The following ANAPC2 variants were observed in gnomAD, a reference collection of about 807,000 sequenced individuals.
ANAPC2 encodes anaphase promoting complex subunit 2, also known as anaphase-promoting complex subunit 2.
ANAPC2 carries 29 observed loss-of-function variants against 84.3 expected under a neutral mutation model. That is an observed-to-expected ratio of 0.34 (90% CI 0.26 to 0.47). The LOEUF (loss-of-function observed/expected upper bound fraction) is 0.47, where lower values mean the gene tolerates loss of function less well. Among genes scored for constraint, ANAPC2 ranks in the 20% least tolerant of loss-of-function variants. ANAPC2 has a pLI of 1.00. For synonymous variants in ANAPC2, 571 were observed against 479.4 expected (o/e 1.19, Z -2.50); for missense variants, 857 against 1,131.7 (o/e 0.76, Z 3.48).
chr9:137,187,748 C>T lies in ANAPC2; in HGVS notation c.473G>A (p.Arg158His), dbSNP rs1834509145. The T allele has an allele frequency of 1.2e-6, 2 of 1,613,698 alleles. No individual in the cohort carries two copies. Among genetic ancestry groups the T allele is most frequent in the African/African-American group, 1.3e-5 (1 of 74,936 alleles). Residue 158 changes from arginine to histidine, a missense_variant, in exon 2 of 13, where the codon CGC becomes CAC. Coordinates refer to ENST00000323927, the MANE Select transcript of ANAPC2 (RefSeq NM_013366.4). ...GLREEVHTMLRGVLFFSTPRT... is the reference protein window; with the variant it reads ...GLREEVHTMLHGVLFFSTPRT... The stretch of plus-strand genomic sequence containing the variant: ...GGGGGTGCTAAAGAACAAGACTCCG[C>T]GCAACATAGTGTGGACTTCTTCTCG...
In ANAPC2 at chr9:137,180,398, G is replaced by C. The variant is rs746457748; in HGVS notation, c.1687-14C>G. 1 of 1,612,422 alleles carries C rather than the reference G, an allele frequency of 6.2e-7. No individual in the cohort carries two copies. Among genetic ancestry groups the C allele is most frequent in the Non-Finnish European group, 8.5e-7 (1 of 1,179,844 alleles). On this transcript the variant is annotated splice_polypyrimidine_tract_variant and intron_variant, in intron 9 of 12. Transcript: ENST00000323927. ...GTCCGCCATGTCCTGAGGAGGAGCCGGTGTCACGGGGGACCTGCGGGGCGG... is the reference window on the plus strand; with the variant it reads ...GTCCGCCATGTCCTGAGGAGGAGCCCGTGTCACGGGGGACCTGCGGGGCGG...
At chr9:137,184,304 G>A (rs1039322831) in intron 4 of ANAPC2, among the ~76,000 whole-genome samples, 3 of 147,550 alleles carry the variant, frequency 2.0e-5, no homozygotes, top group Non-Finnish European at 3.0e-5. Context: ...GCAGACACAA[G>A]GAGCCCAGAC....
Position 137,185,030 on chromosome 9 carries a change from T to C in ANAPC2, c.931A>G (p.Arg311Gly), listed in dbSNP as rs1330563905. The change falls in exon 4 of 13, where the codon AGG becomes GGG. Residue 311 changes from arginine (R) to glycine (G), a missense_variant. By Grantham distance (125) the Arg-to-Gly change is moderately radical (BLOSUM62 -2). This residue lies in a region of ANAPC2 where 428 missense variants were observed against 513.8 expected (regional missense o/e 0.83). Transcript: ENST00000323927. ...GKVFLQDGPA[R>G]PASPEAGNTL... The stretch of plus-strand genomic sequence containing the variant: ...TTGCCGGCCTCGGGAGATGCGGGCC[T>C]GGCGGGGCCGTCCTGCAGGAACACC... The C allele has an allele frequency of 6.3e-7, 1 of 1,588,050 alleles. No individual in the cohort carries two copies. The highest frequency in any genetic ancestry group is 1.8e-5 in the Admixed American group (1 of 54,478).
At chr9:137,186,440 G>T in intron 2 of ANAPC2, 84 bp from the exon 3 acceptor site, 1 of 1,497,432 alleles carries the variant, frequency 6.7e-7, no homozygotes, top group Non-Finnish European at 9.0e-7. Flanking sequence ...GGACTGCCCT[G>T]CCTGTAGAGT....
At position 137,188,322 on chromosome 9, in the gene ANAPC2, G is replaced by A; in HGVS notation, c.117+94C>T. ...GCAGGACAGGACAGAGGCGGATGATGGACAGAGCCGTATGAACCCGAGGGT... is the reference window on the plus strand; with the variant it reads ...GCAGGACAGGACAGAGGCGGATGATAGACAGAGCCGTATGAACCCGAGGGT... On this transcript the variant is annotated intron_variant, in intron 1 of 12. Coordinates refer to ENST00000323927, the MANE Select transcript of ANAPC2 (RefSeq NM_013366.4). 1.0e-5 allele frequency: 14 copies of A among 1,402,868 alleles called. No homozygotes were observed. In the South Asian group the frequency reaches 1.4e-4, roughly 14 times the overall value. The allele number at this position is 1,402,868 out of a possible 1,614,324, so 86.9% of individuals were successfully genotyped here. A position where few individuals can be genotyped will look rare whatever the true frequency, so the allele number is the denominator to read the frequency against.
chr9:137,180,356 G>A lies in ANAPC2; in HGVS notation c.1715C>T (p.Ala572Val). ...CTTCTCATCCTCCTCCCGGATGTTG[G>A]CATTGATGCGGCGGGAGTCCGCCAT... ...KDMADSRRIN[A>V]NIREEDEKRP... Residue 572 changes from alanine (A) to valine (V), a missense_variant, in exon 10 of 13, where the codon GCC becomes GTC. Ala to Val is a moderately conservative substitution (Grantham distance 64). Around this residue, in one of 3 missense-constraint regions of ANAPC2, gnomAD observed 425 missense variants for 595.5 expected, o/e 0.71. Transcript: ENST00000323927. The A allele has an allele frequency of 6.2e-7, 1 of 1,613,012 alleles. No individual in the cohort carries two copies. Among genetic ancestry groups the A allele is most frequent in the Non-Finnish European group, 8.5e-7 (1 of 1,179,910 alleles).
chr9:137,178,257 CAG>C lies in ANAPC2; in HGVS notation c.1890+1922_1890+1923del, dbSNP rs10586196. Among the ~76,000 whole-genome samples the C allele has an allele frequency of 5.2e-3, 799 of 152,370 alleles. 5 individuals are homozygous for C. Among genetic ancestry groups the C allele is most frequent in the African/African-American group, 0.018 (768 of 41,588 alleles). On this transcript the variant is annotated intron_variant, in intron 10 of 12. Transcript: ENST00000323927. ...CTGCCGCAGGACACATGCAAGGGCT[CAG>C]GGGTGACGCTGTGGGCTGCATGGCC...
Position 137,184,954 on chromosome 9 carries a change from T to TAG in ANAPC2, c.1005_1006dup (p.Tyr336SerfsTer94), listed in dbSNP as rs757250678. On this transcript the variant is annotated frameshift_variant, in exon 4 of 13. Coordinates refer to ENST00000323927, the MANE Select transcript of ANAPC2 (RefSeq NM_013366.4). LOFTEE classifies it high-confidence loss of function. ...GAGCTCCTCGATGCGCAGGCTGGCG[T>TAG]AGATGCGGTAGAAGAACCTTTGCAC... 1 of 1,612,466 alleles carries TAG rather than the reference T, an allele frequency of 6.2e-7. No homozygotes were observed. The highest frequency in any genetic ancestry group is 8.5e-7 in the Non-Finnish European group (1 of 1,179,652).
rs866957196 is a variant in ANAPC2 at position 137,183,857 on chromosome 9, A to T, written c.1049-66T>A. 11 of 1,586,762 alleles carry T rather than the reference A, an allele frequency of 6.9e-6. No individual in the cohort carries two copies. In the East Asian group the frequency reaches 9.0e-5, roughly 13 times the overall value. ...CGTGCGCACGTGCAGGCTGGTGCAGAGTGTGTGCGGTGTGGGAAAGGACAC... is the reference window on the plus strand; with the variant it reads ...CGTGCGCACGTGCAGGCTGGTGCAGTGTGTGTGCGGTGTGGGAAAGGACAC... On this transcript the variant is annotated intron_variant, in intron 4 of 12. Coordinates refer to ENST00000323927, the MANE Select transcript of ANAPC2 (RefSeq NM_013366.4).
At chr9:137,182,341 T>C (rs1834361528) in intron 6 of ANAPC2, among the ~76,000 whole-genome samples, 1 of 152,084 alleles carries the variant, frequency 6.6e-6, no homozygotes, top group African/African-American at 2.4e-5. Context: ...TGAAACCCCA[T>C]CTCTATTAAA....
At chr9:137,179,238 CT>C (rs996729392) in intron 10 of ANAPC2, among the ~76,000 whole-genome samples, 6 of 152,150 alleles carry the variant, frequency 3.9e-5, no homozygotes, top group Non-Finnish European at 8.8e-5. Context: ...GGGTGCCCGC[CT>C]CCCCCCAGTC....
intron 8 of ANAPC2, 44 bp downstream of exon 8, chr9:137,180,744 G>C: frequency 6.3e-7 from 1 of 1,595,738 alleles, no homozygotes; most frequent in Non-Finnish European, 8.5e-7. Context: ...GCTGGGCAAA[G>C]GCCCCGGCAC....
chr9:137,183,308 C>A, intron 5 of ANAPC2, 66 bp from the exon 6 acceptor site: 1 of 1,335,820 alleles, frequency 7.5e-7, no homozygotes, highest in Admixed American at 1.7e-5. Context: ...GGGGCAACAC[C>A]CGAGTAGACA....
Position 137,174,975 on chromosome 9 carries a change from G to C in ANAPC2, c.2436C>G (p.Ala812=). 1 of 1,594,678 alleles carries C rather than the reference G, an allele frequency of 6.3e-7. No individual in the cohort carries two copies. Among genetic ancestry groups the C allele is most frequent in the Non-Finnish European group, 8.5e-7 (1 of 1,171,944 alleles). Residue 812 remains alanine (A), a synonymous_variant, in exon 13 of 13, where the codon GCC becomes GCG. Coordinates refer to ENST00000323927, the MANE Select transcript of ANAPC2 (RefSeq NM_013366.4). This position sits in a 1 kb window ranked among gnomAD's most constrained non-coding sequence, Gnocchi z 6.1. Reference sequence around the variant, plus strand: ...AGTTCTTGGGCAGGCGGTAGACGCCGGCCGAGTAGACGAGCTGCTGGTCCC... The same window carrying C: ...AGTTCTTGGGCAGGCGGTAGACGCCCGCCGAGTAGACGAGCTGCTGGTCCC... ...KVRDQQLVYS[A]GVYRLPKNCS
chr9:137,180,962 A>G, intron 7 of ANAPC2, 33 bp from the exon 8 acceptor site: 1 of 1,607,182 alleles, frequency 6.2e-7, no homozygotes, highest in Non-Finnish European at 8.5e-7. Context: ...GTCACCTGAC[A>G]GGCACCTGGG....
chr9:137,175,755 G>A lies in ANAPC2; in HGVS notation c.1973C>T (p.Ala658Val), dbSNP rs755151663. Residue 658 changes from alanine (A) to valine (V), a missense_variant, in exon 11 of 13, where the codon GCG (alanine) becomes GTG (valine). Ala to Val is a moderately conservative substitution (Grantham distance 64). Coordinates refer to ENST00000323927, the MANE Select transcript of ANAPC2 (RefSeq NM_013366.4). Reference protein sequence around the residue: ...VELADRTLSVAVTPVQAVILL... With the variant: ...VELADRTLSVVVTPVQAVILL... ...GATCACCGCCTGTACTGGGGTGACC[G>A]CCACAGACAGCGTGCGGTCGGCCAG... The A allele has an allele frequency of 9.3e-6, 15 of 1,611,912 alleles. No individual in the cohort carries two copies. Among genetic ancestry groups the A allele is most frequent in the Admixed American group, 5.0e-5 (3 of 59,960 alleles).
chr9:137,180,079 C>T, intron 10 of ANAPC2, 102 bp downstream of exon 10: 1 of 1,321,794 alleles, frequency 7.6e-7, no homozygotes, highest in East Asian at 2.5e-5. Flanking sequence ...CCCAGAGACA[C>T]TCGGGTGACA....
At chr9:137,181,615 C>A (rs1034313815) in intron 7 of ANAPC2, 66 bp downstream of exon 7, 2 of 1,476,810 alleles carry the variant, frequency 1.4e-6, no homozygotes. Context: ...GGGATGAGTC[C>A]AGAGCGGACG....
chr9:137,186,158 G>C, intron 3 of ANAPC2, 66 bp downstream of exon 3: 9 of 1,587,466 alleles, frequency 5.7e-6, no homozygotes, highest in Non-Finnish European at 4.3e-6. Context: ...GAAGCCAGGT[G>C]TCAGGTTTGC....
Sources: gnomAD v4.1 joint callset for allele counts (sites outside exome capture counted in the v4.1 genomes callset) on GRCh38, gnomAD v4.1.1 for gene constraint, gnomAD v4.1.1 regional missense constraint, Gnocchi (gnomAD v3.1) non-coding constraint, MANE v1.5 for transcripts, NCBI Gene and HGNC (gene_info 2026-07-23, HGNC 2026-07-21) for gene names.